CDC25A: variants seen among roughly 807,000 people sequenced by gnomAD.
The protein encoded by CDC25A is cell division cycle 25A.
Under a neutral mutation model 64.6 loss-of-function variants are expected in CDC25A, and 17 were observed. That is an observed-to-expected ratio of 0.26 (90% CI 0.18 to 0.39). CDC25A has a LOEUF of 0.39. Among genes scored for constraint, CDC25A ranks in the 10% least tolerant of loss-of-function variants. The pLI, the probability that CDC25A is intolerant of heterozygous loss-of-function variation, is 1.00. For missense variants in CDC25A, 473 were observed against 654.8 expected, an observed-to-expected ratio of 0.72 and a Z score of 3.03; for synonymous variants, 229 against 238.6, an observed-to-expected ratio of 0.96 and a Z score of 0.37.
rs1421133167 is a variant in CDC25A, at chr3:48,187,773, C to T, written c.170+5G>A. ...CCGGAGCACCGCCCGCCGGTCTCTC[C>T]TTACCTGCCCAGACCCTGCAGCTGG... is the stretch of plus-strand genomic sequence containing the variant. On this transcript the variant is annotated splice_donor_5th_base_variant and intron_variant, in intron 1 of 14. Transcript: ENST00000302506. 3 of 1,542,026 alleles carry T rather than the reference C, an allele frequency of 1.9e-6. No homozygotes were observed. Among genetic ancestry groups the T allele is most frequent in the Non-Finnish European group, 2.6e-6 (3 of 1,142,416 alleles).
chr3:48,180,575 A>C, intron 6 of CDC25A, 146 bp downstream of exon 6: 1 of 806,850 alleles, frequency 1.2e-6, no homozygotes, highest in Non-Finnish European at 1.9e-6. Flanking sequence ...CAAAACCACC[A>C]AGAATGCTTG....
chr3:48,183,314 G>A (rs2032732054), intron 4 of CDC25A, among the ~76,000 whole-genome samples: 1 of 152,192 alleles, frequency 6.6e-6, no homozygotes, highest in Non-Finnish European at 1.5e-5. Context: ...AATAACATTT[G>A]CATCAAAAGA....
chr3:48,166,161 T>C (rs576422434), intron 10 of CDC25A, among the ~76,000 whole-genome samples: 2 of 151,868 alleles, frequency 1.3e-5, no homozygotes, highest in South Asian at 4.2e-4. Flanking sequence ...CATGCACCTA[T>C]AGTCCCAGCT....
rs1426641343 is a variant in CDC25A, at chr3:48,158,128, G to A, written c.*817C>T. 6.6e-6 allele frequency: 1 copy of A among 152,536 alleles called. No individual in the cohort carries two copies. Among genetic ancestry groups the A allele is most frequent in the Non-Finnish European group, 1.5e-5 (1 of 68,048 alleles). 9.4% of individuals were successfully genotyped at this position (152,536 alleles called of 1,614,324 possible). A position where few individuals can be genotyped will look rare whatever the true frequency, so the allele number is the denominator to read the frequency against. On this transcript the variant is annotated 3_prime_UTR_variant, in exon 15 of 15. Coordinates refer to ENST00000302506, the MANE Select transcript of CDC25A (RefSeq NM_001789.3). ...TATACCAGCCAATGTCATGGAACTG[G>A]GGTGAGGAAGAACAGGGCCACACCT...
chr3:48,183,110 A>AG (rs1238222150), intron 4 of CDC25A, 80 bp from the exon 5 acceptor site: 51 of 962,604 alleles, frequency 5.3e-5, no homozygotes, highest in Admixed American at 2.7e-4. Flanking sequence ...AAGAAAAAAA[A>AG]GGGGGGTTGA....
At chr3:48,183,090 C>T (rs2106758574) in intron 4 of CDC25A, 60 bp from the exon 5 acceptor site, 1 of 1,262,126 alleles carries the variant, frequency 7.9e-7, no homozygotes, top group Middle Eastern at 1.9e-4. Flanking sequence ...GTGGAAAATT[C>T]AGTTCTCAAA....
At position 48,180,587 on chromosome 3, in the gene CDC25A, C is replaced by T. The variant is rs2032628168; in HGVS notation, c.549+134G>A. Reference sequence around the variant, plus strand: ...CAGCAAAACCACCAAGAATGCTTGACAGTCTAATTTCAAAAGACAAAGTCA... The same window carrying T: ...CAGCAAAACCACCAAGAATGCTTGATAGTCTAATTTCAAAAGACAAAGTCA... On this transcript the variant is annotated intron_variant, in intron 6 of 14. Transcript: ENST00000302506. The T allele has an allele frequency of 4.5e-6, 4 of 886,242 alleles. No homozygotes were observed. The South Asian group carries it at 5.7e-5, about 13-fold the overall frequency. 54.9% of individuals were successfully genotyped at this position (886,242 alleles called of 1,614,324 possible). A position where few individuals can be genotyped will look rare whatever the true frequency, so the allele number is the denominator to read the frequency against.
chr3:48,163,151 T>C (rs1226897496), intron 13 of CDC25A, among the ~76,000 whole-genome samples: 2 of 150,210 alleles, frequency 1.3e-5, no homozygotes, highest in Non-Finnish European at 3.0e-5. Context: ...GGTGTGGTGG[T>C]GCACGCCTGT....
chr3:48,187,906 G>T lies in CDC25A; in HGVS notation c.42C>A (p.Leu14=), dbSNP rs1490723416. Residue 14 remains leucine, a synonymous_variant, in exon 1 of 15, where the codon CTC becomes CTA. Coordinates refer to ENST00000302506, the MANE Select transcript of CDC25A (RefSeq NM_001789.3). ...GPEPPHRRRL[L]FACSPPPASQ... is the part of the protein sequence containing the mutation. ...ACGCGGGAGGGGGGCTGCAGGCGAAGAGCAGGCGGCGGCGGTGCGGGGGCT... is the reference window on the plus strand; with the variant it reads ...ACGCGGGAGGGGGGCTGCAGGCGAATAGCAGGCGGCGGCGGTGCGGGGGCT... 1 of 1,541,008 alleles carries T rather than the reference G, an allele frequency of 6.5e-7. No homozygotes were observed. Among genetic ancestry groups the T allele is most frequent in the East Asian group, 2.5e-5 (1 of 40,026 alleles).
At chr3:48,184,737 A>G (rs759943859) in intron 2 of CDC25A, 42 bp from the exon 3 acceptor site, 15 of 1,426,180 alleles carry the variant, frequency 1.1e-5, no homozygotes, top group Middle Eastern at 1.9e-4. Context: ...AATACAAAAA[A>G]CACCATTTTG....
intron 13 of CDC25A, 60 bp from the exon 14 acceptor site, chr3:48,159,515 C>T (rs972647577): frequency 6.1e-5 from 69 of 1,135,172 alleles, no homozygotes; most frequent in South Asian, 2.4e-4. Flanking sequence ...AACAAGGCAA[C>T]GCAGTCAAAG....
At chr3:48,175,941 G>T (rs1225836384) in intron 8 of CDC25A, among the ~76,000 whole-genome samples, 1 of 152,142 alleles carries the variant, frequency 6.6e-6, no homozygotes, top group East Asian at 1.9e-4. Context: ...CAGGTGGATG[G>T]ATCACCTGAG....
At chr3:48,175,815 T>C (rs946646685) in intron 8 of CDC25A, among the ~76,000 whole-genome samples, 1 of 152,220 alleles carries the variant, frequency 6.6e-6, no homozygotes, top group Non-Finnish European at 1.5e-5. Context: ...TGTACTGCGT[T>C]AACATATTTT....
Position 48,184,703 on chromosome 3 carries a change from G to GA in CDC25A, c.248-9dup, listed in dbSNP as rs748755934. 7.3e-3 allele frequency: 10,240 copies of GA among 1,402,474 alleles called. 2 individuals are homozygous for GA. The highest frequency in any genetic ancestry group is 0.013 in the Middle Eastern group (68 of 5,242). 86.9% of individuals were successfully genotyped at this position (1,402,474 alleles called of 1,614,324 possible). ...GAGAATCTAGACAGAAACCTATGGGGAAAAAAAAAACCTCTCAAGAAATAA... is the reference window on the plus strand; with the variant it reads ...GAGAATCTAGACAGAAACCTATGGGGAAAAAAAAAAACCTCTCAAGAAATAA... On this transcript the variant is annotated splice_polypyrimidine_tract_variant and intron_variant, in intron 2 of 14. Coordinates refer to ENST00000302506, the MANE Select transcript of CDC25A (RefSeq NM_001789.3).
At position 48,164,419 on chromosome 3, in the gene CDC25A, T is replaced by A. The variant is rs1289775548; in HGVS notation, c.1210A>T (p.Met404Leu). Residue 404 changes from methionine to leucine, a missense_variant, in exon 13 of 15, where the codon ATG (methionine) becomes TTG (leucine). Met to Leu is a conservative substitution (Grantham distance 15). This residue lies in a region of CDC25A where 97 missense variants were observed against 223.0 expected (regional missense o/e 0.43). Transcript: ENST00000302506. ...GHIKGAVNLH[M>L]EEEVEDFLLK... is the part of the protein sequence containing the mutation. ...AAGAAGTCTTCAACCTCTTCTTCCATGTGCAAGTTCACTGCACCCTGTGAA... is the reference window on the plus strand; with the variant it reads ...AAGAAGTCTTCAACCTCTTCTTCCAAGTGCAAGTTCACTGCACCCTGTGAA... 3.1e-6 allele frequency: 5 copies of A among 1,591,542 alleles called. 1 individual carries two copies. The highest frequency in any genetic ancestry group is 4.3e-6 in the Non-Finnish European group (5 of 1,171,400).
chr3:48,168,360 C>CACACACA (rs2032122978), intron 9 of CDC25A, among the ~76,000 whole-genome samples: 1 of 106,538 alleles, frequency 9.4e-6, no homozygotes, highest in East Asian at 3.1e-4. Flanking sequence ...AAGACCCTGT[C>CACACACA]CACACACACA....
chr3:48,178,785 C>T (rs984212750), intron 6 of CDC25A, among the ~76,000 whole-genome samples: 4 of 152,102 alleles, frequency 2.6e-5, no homozygotes, highest in Non-Finnish European at 5.9e-5. Context: ...TTTGGGAAAC[C>T]TCTAAACATG....
rs145442490 is a variant in CDC25A at position 48,165,678 on chromosome 3, G to A, written c.1149C>T (p.Ile383=). 2.9e-5 allele frequency: 46 copies of A among 1,613,938 alleles called. No homozygotes were observed. In the African/African-American group the frequency reaches 3.3e-4, roughly 12 times the overall value. Residue 383 remains isoleucine, a synonymous_variant, in exon 12 of 15, where the codon ATC becomes ATT. Transcript: ENST00000302506. Reference sequence around the variant, plus strand: ...CGTATTCATATGGGTATCGACAGTCGATGATAACAAACTCTTTAATGAGGT... The same window carrying A: ...CGTATTCATATGGGTATCGACAGTCAATGATAACAAACTCTTTAATGAGGT... ...FANLIKEFVI[I]DCRYPYEYEG...
intron 4 of CDC25A, among the ~76,000 whole-genome samples, chr3:48,183,372 C>T (rs568824127): frequency 1.3e-5 from 2 of 152,326 alleles, no homozygotes; most frequent in East Asian, 3.9e-4. Flanking sequence ...GGACAAATTC[C>T]TCCAGACCGA....
Sources: gnomAD v4.1 joint callset for allele counts (sites outside exome capture counted in the v4.1 genomes callset) on GRCh38, gnomAD v4.1.1 for gene constraint, gnomAD v4.1.1 regional missense constraint, MANE v1.5 for transcripts, NCBI Gene and HGNC (gene_info 2026-07-23, HGNC 2026-07-21) for gene names.